The following FGF13 variants were observed in gnomAD, a reference collection of about 807,000 sequenced individuals.
FGF13 encodes fibroblast growth factor 13, also known as fibroblast growth factor homologous factor 2.
Under a neutral mutation model 19.5 loss-of-function variants are expected in FGF13, and 2 were observed. The observed-to-expected ratio is 0.10, with a 90% CI of 0.04 to 0.32. FGF13 has a LOEUF of 0.32. Ranked by LOEUF, FGF13 falls within the 10% of genes least tolerant of loss-of-function variation. The pLI is 1.00. For missense variants in FGF13, 113 were observed against 192.7 expected, an observed-to-expected ratio of 0.59 and a Z score of 2.45; for synonymous variants, 72 against 76.9, an observed-to-expected ratio of 0.94 and a Z score of 0.33.
intron 1 of FGF13, among the ~76,000 whole-genome samples, chrX:139,017,818 T>C (rs1287426571): frequency 9.0e-6 from 1 of 111,570 alleles, no homozygotes; most frequent in Non-Finnish European, 1.9e-5. Context: ...AACTCTTATA[T>C]ATTCCAGAAG....
intron 3 of FGF13, among the ~76,000 whole-genome samples, chrX:138,669,382 CAG>C (rs1026343200): frequency 7.2e-5 from 8 of 110,949 alleles, no homozygotes; most frequent in African/African-American, 2.6e-4. Context: ...GAAAACTAGA[CAG>C]AGGATGTACT....
intron 1 of FGF13, among the ~76,000 whole-genome samples, chrX:139,164,874 A>ACTT (rs2084068304): frequency 9.0e-6 from 1 of 110,601 alleles, no homozygotes; most frequent in South Asian, 3.8e-4. Context: ...TCTTATCTGT[A>ACTT]CTTTAAATAA....
At position 138,867,825 on chromosome X, in the gene FGF13, CT is replaced by C. The variant is rs749495520; in HGVS notation, c.-112-3176del. Reference sequence around the variant, plus strand: ...TCTATCTATCTATCTATCTATCTATCTATCTATCATCTATCTATCTATCCTC... The same window carrying C: ...TCTATCTATCTATCTATCTATCTATCATCTATCATCTATCTATCTATCCTC... On this transcript the variant is annotated intron_variant, in intron 1 of 2. Coordinates refer to the FGF13 transcript ENST00000421460. 4.8e-3 allele frequency among the ~76,000 whole-genome samples: 497 copies of C among 104,567 alleles called. 1 individual carries two copies. The highest frequency in any genetic ancestry group is 0.025 in the East Asian group (78 of 3,090). The allele number at this position is 104,567 out of a possible 115,157, so 90.8% of individuals were successfully genotyped here.
intron 1 of FGF13, among the ~76,000 whole-genome samples, chrX:139,004,193 G>A (rs751088782): frequency 4.4e-5 from 5 of 113,021 alleles, no homozygotes; most frequent in Non-Finnish European, 9.4e-5. Context: ...CTAAGGCTCG[G>A]TGAGAAATCG....
intron 1 of FGF13, among the ~76,000 whole-genome samples, chrX:138,939,098 T>TTA (rs1218146570): frequency 2.7e-5 from 3 of 112,175 alleles, no homozygotes; most frequent in Non-Finnish European, 5.6e-5. Context: ...AAATTGGTAT[T>TTA]TAAAGCCATT....
rs950408775 is a variant in FGF13 at position 138,773,799 on chromosome X, T to C, written c.218-64871A>G. Among the ~76,000 whole-genome samples, 3 of 112,288 alleles carry C rather than the reference T, an allele frequency of 2.7e-5. 1 individual carries two copies. Among genetic ancestry groups the C allele is most frequent in the African/African-American group, 9.7e-5 (3 of 30,896 alleles). ...CAGCATCAACCAAGTATCCACAGAATAGGCCTAAGGTACTATATGCCAGCA... is the reference window on the plus strand; with the variant it reads ...CAGCATCAACCAAGTATCCACAGAACAGGCCTAAGGTACTATATGCCAGCA... On this transcript the variant is annotated intron_variant, in intron 3 of 6. Transcript: ENST00000436198.
At chrX:138,850,588 G>C (rs1385376487) in intron 3 of FGF13, among the ~76,000 whole-genome samples, 1 of 112,096 alleles carries the variant, frequency 8.9e-6, no homozygotes, top group Non-Finnish European at 1.9e-5. Flanking sequence ...AAAGAAAATT[G>C]TCTTGTGTCA....
chrX:139,141,058 TA>T (rs1414561384), intron 1 of FGF13, among the ~76,000 whole-genome samples: 2 of 98,983 alleles, frequency 2.0e-5, no homozygotes, highest in South Asian at 9.6e-4. Flanking sequence ...GATAGATAGA[TA>T]GATAGATAGA....
At chrX:139,142,377 C>T (rs1320502090) in intron 1 of FGF13, among the ~76,000 whole-genome samples, 1 of 111,744 alleles carries the variant, frequency 8.9e-6, no homozygotes, top group African/African-American at 3.3e-5. Context: ...ATGGCATCAT[C>T]ACAGACAATA....
intron 1 of FGF13, among the ~76,000 whole-genome samples, chrX:139,028,665 A>AGTGTGTGTG (rs2092212753): frequency 7.7e-5 from 2 of 26,052 alleles, no homozygotes; most frequent in Admixed American, 9.6e-4. Flanking sequence ...GAGAGAGAGA[A>AGTGTGTGTG]AGAGAGAGTG....
intron 1 of FGF13, among the ~76,000 whole-genome samples, chrX:139,156,528 G>A (rs2083978245): frequency 8.9e-6 from 1 of 112,517 alleles, no homozygotes; most frequent in African/African-American, 3.2e-5. Context: ...TATTGGTAAG[G>A]CCCATGTGGC....
chrX:138,776,998 C>T, intron 3 of FGF13, among the ~76,000 whole-genome samples: 1 of 111,647 alleles, frequency 9.0e-6, no homozygotes, highest in Non-Finnish European at 1.9e-5. Flanking sequence ...GTTTAGGATC[C>T]CAGTATTGGA....
At chrX:138,827,062 C>T (rs1346394285) in intron 3 of FGF13, among the ~76,000 whole-genome samples, 1 of 112,135 alleles carries the variant, frequency 8.9e-6, no homozygotes, top group Non-Finnish European at 1.9e-5. Context: ...TTTTAAGATT[C>T]AATGGTATCA....
At chrX:138,918,508 G>A (rs1309796224) in intron 1 of FGF13, among the ~76,000 whole-genome samples, 1 of 111,627 alleles carries the variant, frequency 9.0e-6, no homozygotes, top group Non-Finnish European at 1.9e-5. Context: ...GCTTTGCTCT[G>A]TGAGGTCTTA....
intron 3 of FGF13, among the ~76,000 whole-genome samples, chrX:138,819,115 G>C (rs187028281): frequency 1.6e-3 from 178 of 111,282 alleles, no homozygotes; most frequent in African/African-American, 5.6e-3. Flanking sequence ...CTTACAGTTT[G>C]TATGGTAGTT....
chrX:138,780,902 C>T (rs1778989459), intron 3 of FGF13, among the ~76,000 whole-genome samples: 1 of 110,020 alleles, frequency 9.1e-6, no homozygotes, highest in African/African-American at 3.3e-5. Flanking sequence ...CCAAAATTGA[C>T]CACATACTTG....
At chrX:138,660,737 C>T (rs1170031595) in intron 3 of FGF13, among the ~76,000 whole-genome samples, 1 of 111,532 alleles carries the variant, frequency 9.0e-6, no homozygotes, top group Non-Finnish European at 1.9e-5. Context: ...CATTAACCAT[C>T]CCCACTCCCT....
intron 1 of FGF13, among the ~76,000 whole-genome samples, chrX:139,156,042 G>T (rs1450131990): frequency 2.7e-5 from 3 of 111,406 alleles, no homozygotes; most frequent in Non-Finnish European, 3.8e-5. Context: ...TTTCCCACAG[G>T]CAGGGAAAGT....
intron 3 of FGF13, among the ~76,000 whole-genome samples, chrX:138,770,557 T>C (rs2090537541): frequency 9.0e-6 from 1 of 111,261 alleles, no homozygotes; most frequent in Admixed American, 9.6e-5. Flanking sequence ...TGAGATAGCT[T>C]TCTGTCCTCT....
Sources: allele counts gnomAD v4.1 joint callset (sites outside exome capture counted in the v4.1 genomes callset), GRCh38; gene constraint gnomAD v4.1.1; transcripts MANE v1.5; gene names NCBI Gene and HGNC (gene_info 2026-07-23, HGNC 2026-07-21).